The following DCLK1 variants were observed in gnomAD, a reference collection of about 807,000 sequenced individuals.
DCLK1 encodes the protein doublecortin like kinase 1, also known as serine/threonine-protein kinase DCLK1.
Under a neutral mutation model 86.2 loss-of-function variants are expected in DCLK1, and 16 were observed. That is an observed-to-expected ratio of 0.19 (90% CI 0.13 to 0.28). The LOEUF (loss-of-function observed/expected upper bound fraction) is 0.28, where lower values mean the gene tolerates loss of function less well. Among genes scored for constraint, DCLK1 ranks in the 10% least tolerant of loss-of-function variants. The pLI is 1.00. For missense variants in DCLK1, 590 were observed against 940.2 expected (o/e 0.63, Z 4.87); for synonymous variants, 369 against 370.5 (o/e 1.00, Z 0.05).
intron 16 of DCLK1, among the ~76,000 whole-genome samples, chr13:35,781,475 C>G (rs1231663420): frequency 6.6e-6 from 1 of 152,158 alleles, no homozygotes; most frequent in Non-Finnish European, 1.5e-5. Flanking sequence ...AACAATAGGC[C>G]TTACAGTCTA....
chr13:35,901,491 C>CAAAAAAAAAAAAAAAAAAAA (rs58801666), intron 4 of DCLK1, among the ~76,000 whole-genome samples: 3 of 45,872 alleles, frequency 6.5e-5, no homozygotes, highest in African/African-American at 2.9e-4. Flanking sequence ...GACTCTGTCT[C>CAAAAAAAAAAAAAAAAAAAA]AAAAAAAAAA....
At chr13:35,835,475 C>T (rs1489660394) in intron 8 of DCLK1, among the ~76,000 whole-genome samples, 2 of 152,174 alleles carry the variant, frequency 1.3e-5, no homozygotes. Flanking sequence ...GTCTAGTAGC[C>T]ACCAGCTAAC....
At chr13:35,777,610 A>G (rs1038998011) in intron 16 of DCLK1, among the ~76,000 whole-genome samples, 1 of 152,178 alleles carries the variant, frequency 6.6e-6, no homozygotes, top group Non-Finnish European at 1.5e-5. Flanking sequence ...TTCTCTTTGT[A>G]GAGCAGATAG....
intron 5 of DCLK1, among the ~76,000 whole-genome samples, chr13:35,856,665 T>C (rs1173621656): frequency 2.0e-5 from 3 of 152,222 alleles, no homozygotes; most frequent in Admixed American, 2.0e-4. Context: ...TAAAAGCCTG[T>C]AAGTATTTAG....
At chr13:35,912,862 G>A (rs7984818) in intron 4 of DCLK1, among the ~76,000 whole-genome samples, 8,109 of 152,212 alleles carry the variant, frequency 0.053, 435 homozygotes, top group African/African-American at 0.13. Flanking sequence ...AGATAGCATT[G>A]TAACACACCC....
At chr13:35,789,435 A>AGT (rs766579824) in intron 16 of DCLK1, among the ~76,000 whole-genome samples, 2 of 152,350 alleles carry the variant, frequency 1.3e-5, no homozygotes, top group South Asian at 4.1e-4. Context: ...AAAAAATCAA[A>AGT]GTATACTGGC....
At chr13:35,919,517 T>G (rs1875659081) in intron 4 of DCLK1, among the ~76,000 whole-genome samples, 1 of 152,162 alleles carries the variant, frequency 6.6e-6, no homozygotes, top group Admixed American at 6.5e-5. Context: ...GGGTTTTTAT[T>G]TTGGCTGCAA....
At chr13:36,017,233 G>A (rs994404088) in intron 3 of DCLK1, among the ~76,000 whole-genome samples, 4 of 152,160 alleles carry the variant, frequency 2.6e-5, no homozygotes, top group Non-Finnish European at 4.4e-5. Context: ...TGCGGGATCT[G>A]TTCGTGGAAT....
At chr13:36,076,124 T>A (rs1055404601) in intron 3 of DCLK1, among the ~76,000 whole-genome samples, 1 of 152,202 alleles carries the variant, frequency 6.6e-6, no homozygotes, top group Non-Finnish European at 1.5e-5. Context: ...TTATTTTTCT[T>A]AAGAGTCAAA....
intron 3 of DCLK1, among the ~76,000 whole-genome samples, chr13:36,094,310 T>C (rs1884929739): frequency 6.6e-6 from 1 of 152,240 alleles, no homozygotes; most frequent in Non-Finnish European, 1.5e-5. Flanking sequence ...ACGTGCTTTA[T>C]AAAAGCTGGC....
chr13:36,064,121 A>G (rs180910311), intron 3 of DCLK1, among the ~76,000 whole-genome samples: 7 of 152,258 alleles, frequency 4.6e-5, no homozygotes, highest in Admixed American at 3.9e-4. Context: ...TTCACACGTG[A>G]TGTTATTTTC....
In DCLK1 at chr13:36,095,040, C is replaced by A. The variant is rs192695771; in HGVS notation, c.723+16829G>T. Among the ~76,000 whole-genome samples the A allele has an allele frequency of 6.6e-5, 10 of 152,256 alleles. No homozygotes were observed. In the East Asian group the frequency reaches 1.7e-3, roughly 26 times the overall value. On this transcript the variant is annotated intron_variant, in intron 3 of 16. Transcript: ENST00000360631. ...AAGTGACAGAAAGCAAACCCATGCC[C>A]AGTTGAACTGAACAATTTCTCTATG... is the stretch of plus-strand genomic sequence containing the variant.
intron 3 of DCLK1, among the ~76,000 whole-genome samples, chr13:35,995,167 A>G (rs373393535): frequency 2.6e-5 from 4 of 152,204 alleles, no homozygotes; most frequent in African/African-American, 7.2e-5. Flanking sequence ...GAAGAGACAA[A>G]GCATCCACAT....
intron 3 of DCLK1, among the ~76,000 whole-genome samples, chr13:36,004,992 A>C (rs1880888344): frequency 6.6e-6 from 1 of 152,238 alleles, no homozygotes; most frequent in Non-Finnish European, 1.5e-5. Flanking sequence ...TATATTTACA[A>C]ATAAAATTGT....
chr13:35,780,870 G>T (rs184485120), intron 16 of DCLK1, among the ~76,000 whole-genome samples: 2 of 152,338 alleles, frequency 1.3e-5, no homozygotes, highest in East Asian at 3.9e-4. Context: ...TCGTGTTGGT[G>T]CCTGCCGTAA....
chr13:35,846,145 T>C (rs1400888362), intron 6 of DCLK1: 1 of 985,292 alleles, frequency 1.0e-6, no homozygotes, highest in Non-Finnish European at 1.2e-6. Flanking sequence ...CTGTGTCAAA[T>C]GTTTTAACAC....
At chr13:36,057,052 G>A (rs1490331524) in intron 3 of DCLK1, among the ~76,000 whole-genome samples, 1 of 151,792 alleles carries the variant, frequency 6.6e-6, no homozygotes, top group Non-Finnish European at 1.5e-5. Context: ...GCATGCACAT[G>A]TGAGTTTATA....
At chr13:36,053,248 A>G (rs368989932) in intron 3 of DCLK1, among the ~76,000 whole-genome samples, 32 of 152,242 alleles carry the variant, frequency 2.1e-4, no homozygotes, top group East Asian at 1.9e-3. Context: ...CGGCCACTGG[A>G]ATAAGAGAAC....
chr13:36,030,800 G>T (rs1314707785), intron 3 of DCLK1, among the ~76,000 whole-genome samples: 1 of 152,222 alleles, frequency 6.6e-6, no homozygotes, highest in East Asian at 1.9e-4. Context: ...TTTGCCTGCA[G>T]CAGAGAGGCA....
Sources: allele counts gnomAD v4.1 joint callset (sites outside exome capture counted in the v4.1 genomes callset), GRCh38; gene constraint gnomAD v4.1.1; transcripts MANE v1.5; gene names NCBI Gene and HGNC (gene_info 2026-07-23, HGNC 2026-07-21).